Variants in SCN10A observed in about 807,000 individuals in gnomAD.
SCN10A encodes the protein sodium channel protein type 10 subunit alpha.
SCN10A carries 162 observed loss-of-function variants against 170.7 expected under a neutral mutation model. That is an observed-to-expected ratio of 0.95 (90% CI 0.84 to 1.08). The LOEUF (loss-of-function observed/expected upper bound fraction) is 1.08, where lower values mean the gene tolerates loss of function less well. Among genes scored for constraint, SCN10A ranks in the 50% least tolerant of loss-of-function variants. The pLI, the probability that SCN10A is intolerant of heterozygous loss-of-function variation, is 0.00. For missense variants in SCN10A, 2,527 were observed against 2,436.9 expected, an observed-to-expected ratio of 1.04 and a Z score of -0.78; for synonymous variants, 985 against 904.6, an observed-to-expected ratio of 1.09 and a Z score of -1.59.
At position 38,761,249 on chromosome 3, in the gene SCN10A, A is replaced by G. The variant is rs1479682432; in HGVS notation, c.826T>C (p.Cys276Arg). 1.2e-6 allele frequency: 2 copies of G among 1,613,486 alleles called. No individual in the cohort carries two copies. The highest frequency in any genetic ancestry group is 1.7e-6 in the Non-Finnish European group (2 of 1,179,570). ...QLFKGNLKNKCVKNDMAVNET... is the reference protein window; with the variant it reads ...QLFKGNLKNKRVKNDMAVNET... ...TTGACAGCCATGTCATTCTTGACAC[A>G]TTTATTTTTGAGGTTGCCCTTGAAG... The change falls in exon 7 of 28, where the codon TGT (cysteine) becomes CGT (arginine). Residue 276 changes from cysteine to arginine, a missense_variant. By Grantham distance (180) the Cys-to-Arg change is radical. Coordinates refer to ENST00000449082, the MANE Select transcript of SCN10A (RefSeq NM_006514.4).
At chr3:38,802,233 A>G (rs1275251969) in intron 1 of SCN10A, among the ~76,000 whole-genome samples, 1 of 152,158 alleles carries the variant, frequency 6.6e-6, no homozygotes, top group African/African-American at 2.4e-5. Context: ...TAATCTGGCC[A>G]GCTTCCCAGA....
At chr3:38,807,493 G>A (rs138924586) in intron 1 of SCN10A, among the ~76,000 whole-genome samples, 49 of 152,184 alleles carry the variant, frequency 3.2e-4, no homozygotes, top group African/African-American at 1.1e-3. Context: ...CTGACTTGAC[G>A]TCCCAGCAGG....
chr3:38,748,517 C>T (rs2063715391), intron 13 of SCN10A, among the ~76,000 whole-genome samples: 1 of 152,146 alleles, frequency 6.6e-6, no homozygotes, highest in Non-Finnish European at 1.5e-5. Flanking sequence ...TTTTGTAGGG[C>T]TCAAACCTGG....
At chr3:38,723,240 T>A (rs2063413701) in intron 19 of SCN10A, among the ~76,000 whole-genome samples, 190 bp downstream of exon 19, 1 of 152,180 alleles carries the variant, frequency 6.6e-6, no homozygotes, top group African/African-American at 2.4e-5. Context: ...GGGCATGAGA[T>A]GCAGATACCA....
At chr3:38,782,560 T>C (rs2064151225) in intron 4 of SCN10A, among the ~76,000 whole-genome samples, 1 of 152,118 alleles carries the variant, frequency 6.6e-6, no homozygotes, top group East Asian at 1.9e-4. Context: ...ATGCATTCTA[T>C]CTTCCATATT....
intron 8 of SCN10A, among the ~76,000 whole-genome samples, chr3:38,759,486 C>T (rs1479326725): frequency 3.9e-5 from 6 of 152,148 alleles, no homozygotes; most frequent in African/African-American, 1.4e-4. Flanking sequence ...TCTCTCTTGC[C>T]TCACACCGCC....
At chr3:38,743,984 C>G (rs553618576) in intron 13 of SCN10A, among the ~76,000 whole-genome samples, 1 of 152,218 alleles carries the variant, frequency 6.6e-6, no homozygotes, top group African/African-American at 2.4e-5. Context: ...TCTATAAATT[C>G]CTCGGCAAGA....
intron 13 of SCN10A, among the ~76,000 whole-genome samples, chr3:38,748,646 A>G (rs540046777): frequency 3.8e-4 from 57 of 151,948 alleles, no homozygotes; most frequent in South Asian, 8.3e-4. Flanking sequence ...GTTTCCCTCT[A>G]TGGGTCTCAC....
intron 13 of SCN10A, among the ~76,000 whole-genome samples, chr3:38,747,075 A>C (rs2063699202): frequency 6.6e-6 from 1 of 152,204 alleles, no homozygotes; most frequent in Admixed American, 6.5e-5. Context: ...CAACCAGAGA[A>C]GATGATGTGC....
At chr3:38,731,791 G>A (rs1413022795) in intron 15 of SCN10A, among the ~76,000 whole-genome samples, 20 of 152,112 alleles carry the variant, frequency 1.3e-4, no homozygotes, top group Admixed American at 1.3e-3. Context: ...CAGGCCCATG[G>A]ACTCTCCAAA....
rs773324319 is a variant in SCN10A, at chr3:38,698,023, T to C, written c.5197A>G (p.Thr1733Ala). ...AAGTCGTCCTCACTCAGGGGCTCAG[T>C]GCTCTCCTCCGTGGCCACATTGAAG... is the stretch of plus-strand genomic sequence containing the variant. ...ENFNVATEES[T>A]EPLSEDDFDM... The change falls in exon 28 of 28, where the codon ACT becomes GCT. Residue 1733 changes from threonine to alanine, a missense_variant. Coordinates refer to ENST00000449082, the MANE Select transcript of SCN10A (RefSeq NM_006514.4). 6.2e-7 allele frequency: 1 copy of C among 1,614,146 alleles called. No homozygotes were observed. Among genetic ancestry groups the C allele is most frequent in the Non-Finnish European group, 8.5e-7 (1 of 1,180,022 alleles).
chr3:38,788,048 A>T (rs889826166), intron 4 of SCN10A, among the ~76,000 whole-genome samples: 1 of 151,872 alleles, frequency 6.6e-6, no homozygotes, highest in Non-Finnish European at 1.5e-5. Flanking sequence ...TGCCACATTT[A>T]TTCCCTTCTA....
intron 26 of SCN10A, among the ~76,000 whole-genome samples, chr3:38,702,949 C>T (rs2063172026): frequency 1.3e-5 from 2 of 152,136 alleles, no homozygotes; most frequent in Admixed American, 1.3e-4. Flanking sequence ...CAACCCCATT[C>T]CCCACGCTTT....
At chr3:38,788,864 A>C in intron 4 of SCN10A, 92 bp downstream of exon 4, 1 of 775,958 alleles carries the variant, frequency 1.3e-6, no homozygotes, top group Non-Finnish European at 2.3e-6. Context: ...CACATGAGGC[A>C]TGGCAGGATA....
chr3:38,710,999 T>C (rs1404861946), intron 23 of SCN10A, 102 bp from the exon 24 acceptor site: 2 of 922,988 alleles, frequency 2.2e-6, no homozygotes, highest in Admixed American at 2.2e-5. Context: ...AGTCCTGTGT[T>C]GGAAAGGGCT....
In SCN10A at chr3:38,728,711, TGG is replaced by T; in HGVS notation, c.2469_2470del (p.His824Ter). On this transcript the variant is annotated frameshift_variant, in exon 16 of 28. Transcript: ENST00000449082. LOFTEE classifies it high-confidence loss of function. ...CATGTGCCAGCGGGGCCAGTCTTCA[TGG>T]GGCGCGGAGATATTTTTTCGGTTGT... 6.2e-7 allele frequency: 1 copy of T among 1,614,192 alleles called. No homozygotes were observed. The highest frequency in any genetic ancestry group is 2.2e-5 in the East Asian group (1 of 44,876).
At chr3:38,788,734 GA>G (rs2064241089) in intron 4 of SCN10A, among the ~76,000 whole-genome samples, 2 of 152,078 alleles carry the variant, frequency 1.3e-5, no homozygotes, top group African/African-American at 4.8e-5. Context: ...AGCCAAAGTT[GA>G]GAACCACTAA....
chr3:38,709,743 A>G (rs1363085771), intron 24 of SCN10A, 128 bp from the exon 25 acceptor site: 6 of 794,830 alleles, frequency 7.5e-6, no homozygotes, highest in Non-Finnish European at 7.7e-6. Flanking sequence ...AGGAAGCAGG[A>G]ATGAGGGAGT....
intron 20 of SCN10A, among the ~76,000 whole-genome samples, chr3:38,721,865 G>A (rs1575953609): frequency 6.6e-6 from 1 of 152,246 alleles, no homozygotes; most frequent in East Asian, 1.9e-4. Flanking sequence ...AGAAGGCCGT[G>A]TGTTGGGGAG....
Sources: allele counts gnomAD v4.1 joint callset (sites outside exome capture counted in the v4.1 genomes callset), GRCh38; gene constraint gnomAD v4.1.1; transcripts MANE v1.5; gene names NCBI Gene and HGNC (gene_info 2026-07-23, HGNC 2026-07-21).